The following SBNO2 variants were observed in gnomAD, a reference collection of about 807,000 sequenced individuals.
SBNO2 encodes the protein protein strawberry notch homolog 2.
In SBNO2, 89 loss-of-function variants were observed where a neutral mutation model predicts 146.3. That is an observed-to-expected ratio of 0.61 (90% confidence interval 0.51 to 0.73). SBNO2 has a LOEUF of 0.73. SBNO2 is among the 30% of genes least tolerant of loss of function. The probability of loss-of-function intolerance (pLI) is 0.00; values close to 1 mark genes in which losing one functional copy is unlikely to be tolerated. For missense variants in SBNO2, 2,092 were observed against 2,003.7 expected (o/e 1.04, Z -0.84); for synonymous variants, 1,147 against 892.6 (o/e 1.29, Z -5.08).
At position 1,151,050 on chromosome 19, in the gene SBNO2, C is replaced by T. The variant is rs555198015; in HGVS notation, c.94-1608G>A. ...TTGCAGGAAGCCGGGCCACCAGCCA[C>T]AGGGGCTCCAGAGCCCGGGTCTCCT... On this transcript the variant is annotated intron_variant, in intron 2 of 31. Transcript: ENST00000361757. Among the ~76,000 whole-genome samples the T allele has an allele frequency of 3.3e-5, 5 of 152,404 alleles. 1 individual carries two copies. In the South Asian group the frequency reaches 8.3e-4, roughly 25 times the overall value.
chr19:1,117,359 C>A lies in SBNO2; in HGVS notation c.1668G>T (p.Leu556=). 6.3e-7 allele frequency: 1 copy of A among 1,580,866 alleles called. No homozygotes were observed. ...YLCIAAKVRR[L]VELAREELAR... ...CCAGCTCCTCTCGGGCCAGCTCCAC[C>A]AGCCGGCGCACCTTGGCTGCGATGC... is the stretch of plus-strand genomic sequence containing the variant. The change falls in exon 15 of 32, where the codon CTG becomes CTT. Residue 556 remains leucine (L), a synonymous_variant. Transcript: ENST00000361757.
At chr19:1,113,492 C>A in intron 19 of SBNO2, 43 bp downstream of exon 19, 14 of 1,521,648 alleles carry the variant, frequency 9.2e-6, no homozygotes, top group Non-Finnish European at 1.2e-5. Context: ...CACCCACTGC[C>A]CATGCCCCGC....
intron 4 of SBNO2, among the ~76,000 whole-genome samples, chr19:1,131,747 G>A: frequency 6.6e-6 from 1 of 152,202 alleles, no homozygotes; most frequent in East Asian, 1.9e-4. Flanking sequence ...GAAGGAGGGG[G>A]ACGCAGCCCT....
intron 1 of SBNO2, among the ~76,000 whole-genome samples, chr19:1,171,763 G>A (rs925427826): frequency 6.8e-6 from 1 of 147,820 alleles, no homozygotes; most frequent in African/African-American, 2.7e-5. Flanking sequence ...GGCAGCAAGT[G>A]GGTGGGGGGT....
Position 1,123,981 on chromosome 19 carries a change from A to G in SBNO2, c.483T>C (p.Phe161=), listed in dbSNP as rs1254794355. The change falls in exon 6 of 32, where the codon TTT becomes TTC. Residue 161 remains phenylalanine (F), a synonymous_variant. Transcript: ENST00000361757. ...GAAGCGGGGTGCTGTGGGAGGGCAG[A>G]AAGTCCTCGAAGCCTGCAAACGGCC... The part of the protein sequence containing the change: ...LSRPFAGFED[F]LPSHSTPLLV... 1.9e-6 allele frequency: 3 copies of G among 1,612,072 alleles called. No homozygotes were observed. Among genetic ancestry groups the G allele is most frequent in the Admixed American group, 3.3e-5 (2 of 59,866 alleles).
chr19:1,142,116 T>TGACCTCCTTCCCCAA (rs1568608760), intron 4 of SBNO2, among the ~76,000 whole-genome samples: 17 of 25,478 alleles, frequency 6.7e-4, no homozygotes, highest in African/African-American at 2.2e-3. Flanking sequence ...ACCTCCCTCA[T>TGACCTCCTTCCCCAA]GATCAACCCT....
intron 19 of SBNO2, 142 bp from the exon 20 acceptor site, chr19:1,113,091 A>G (rs769282698): frequency 2.1e-6 from 2 of 932,812 alleles, no homozygotes; most frequent in African/African-American, 1.7e-5. Flanking sequence ...TGGGAAAGGG[A>G]GGGCGGGACT....
In SBNO2 at chr19:1,144,386, C is replaced by T. The variant is rs926122663; in HGVS notation, c.279+2923G>A. Among the ~76,000 whole-genome samples the T allele has an allele frequency of 8.5e-5, 13 of 152,090 alleles. No homozygotes were observed. The highest frequency in any genetic ancestry group is 1.6e-4 in the Non-Finnish European group (11 of 67,998). On this transcript the variant is annotated intron_variant, in intron 4 of 31. Coordinates refer to ENST00000361757, the MANE Select transcript of SBNO2 (RefSeq NM_014963.3). The surrounding 1 kb of genome is among the most constrained non-coding windows in gnomAD (Gnocchi z 4.1). ...CACATACGGACGCTGGAGCATGAGG[C>T]GGCTGTAGGCAGGGTGGGCAGGGAG...
chr19:1,160,059 A>G (rs1247348353), intron 1 of SBNO2, among the ~76,000 whole-genome samples: 1 of 152,058 alleles, frequency 6.6e-6, no homozygotes, highest in Non-Finnish European at 1.5e-5. Flanking sequence ...ACATTCCCGC[A>G]CCACCCTCTC....
rs564197720 is a variant in SBNO2 at position 1,113,682 on chromosome 19, T to C, written c.2100A>G (p.Arg700=). 80 of 1,588,326 alleles carry C rather than the reference T, an allele frequency of 5.0e-5. No homozygotes were observed. The African/African-American group carries it at 1.1e-3, about 21-fold the overall frequency. The change falls in exon 19 of 32, where the codon AGA becomes AGG. Residue 700 remains arginine (R), a synonymous_variant. Coordinates refer to ENST00000361757, the MANE Select transcript of SBNO2 (RefSeq NM_014963.3). Reference sequence around the variant, plus strand: ...CCAGGACCCCGGGGCCATGCGGGTCTCTCTGCAGGAGGCACAGGGGTCCTA... The same window carrying C: ...CCAGGACCCCGGGGCCATGCGGGTCCCTCTGCAGGAGGCACAGGGGTCCTA... ...DDRGPLCLLQ[R]DPHGPGVLER...
Position 1,124,153 on chromosome 19 carries a change from C to A in SBNO2, c.442-131G>T, listed in dbSNP as rs1482723914. 8.3e-6 allele frequency: 7 copies of A among 845,134 alleles called. No individual in the cohort carries two copies. In the African/African-American group the frequency reaches 1.2e-4, roughly 15 times the overall value. 52.4% of individuals were successfully genotyped at this position (845,134 alleles called of 1,614,324 possible). A position where few individuals can be genotyped will look rare whatever the true frequency, so the allele number is the denominator to read the frequency against. ...GCCTCCCCATCCTCGCTCCCCAGGG[C>A]CCTGGGTCTTGCTCTCCTGCTGTTC... On this transcript the variant is annotated intron_variant, in intron 5 of 31. Coordinates refer to ENST00000361757, the MANE Select transcript of SBNO2 (RefSeq NM_014963.3).
At chr19:1,152,926 G>A (rs2080255822) in intron 2 of SBNO2, among the ~76,000 whole-genome samples, 1 of 152,140 alleles carries the variant, frequency 6.6e-6, no homozygotes, top group Non-Finnish European at 1.5e-5. Flanking sequence ...GTCAAGGCAG[G>A]CGGGTCAACT....
chr19:1,134,672 C>T (rs887684359), intron 4 of SBNO2, among the ~76,000 whole-genome samples: 18 of 152,100 alleles, frequency 1.2e-4, no homozygotes, highest in African/African-American at 3.9e-4. Flanking sequence ...CTGATGGGAA[C>T]GGGGCTTCCT....
chr19:1,171,384 C>T (rs187092671), intron 1 of SBNO2, among the ~76,000 whole-genome samples: 10 of 152,178 alleles, frequency 6.6e-5, no homozygotes, highest in African/African-American at 1.7e-4. Context: ...ATGCACATGG[C>T]GCAACATACA....
rs772039349 is a variant in SBNO2 at position 1,123,516 on chromosome 19, T to C, written c.628+18A>G. The C allele has an allele frequency of 2.5e-6, 4 of 1,607,506 alleles. No homozygotes were observed. The South Asian group carries it at 3.3e-5, about 13-fold the overall frequency. ...GGTTTGAACCTGTCCCAGGGCTGGG[T>C]GCAGCCGGGCCACTCACACTTGGAC... On this transcript the variant is annotated intron_variant, in intron 7 of 31. Transcript: ENST00000361757.
chr19:1,115,771 C>G (rs762131401), intron 17 of SBNO2: 2 of 568,198 alleles, frequency 3.5e-6, no homozygotes, highest in South Asian at 2.1e-5. Context: ...TCCCGCCCCC[C>G]GGGTCTCGCT....
chr19:1,170,457 C>T (rs2080466811), intron 1 of SBNO2, among the ~76,000 whole-genome samples: 1 of 152,154 alleles, frequency 6.6e-6, no homozygotes, highest in Admixed American at 6.5e-5. Flanking sequence ...GGGCGGACAG[C>T]GGGCAGGCCA....
chr19:1,142,114 C>CCCCA (rs1568608740), intron 4 of SBNO2, among the ~76,000 whole-genome samples: 3 of 123,648 alleles, frequency 2.4e-5, no homozygotes, highest in African/African-American at 9.2e-5. Context: ...TGACCTCCCT[C>CCCCA]ATGATCAACC....
intron 4 of SBNO2, chr19:1,128,339 A>C: frequency 2.8e-6 from 1 of 362,798 alleles, no homozygotes; most frequent in East Asian, 7.9e-5. Context: ...GGGGCTCGCC[A>C]TGGGGATGAC....
Sources: allele counts gnomAD v4.1 joint callset (sites outside exome capture counted in the v4.1 genomes callset), GRCh38; gene constraint gnomAD v4.1.1; non-coding constraint Gnocchi (gnomAD v3.1); transcripts MANE v1.5; gene names NCBI Gene and HGNC (gene_info 2026-07-23, HGNC 2026-07-21).